LIPA: variants seen among roughly 807,000 people sequenced by gnomAD.
The protein encoded by LIPA is lysosomal acid lipase/cholesteryl ester hydrolase.
LIPA carries 26 observed loss-of-function variants against 40.6 expected under a neutral mutation model. The observed-to-expected ratio is 0.64, with a 90% CI of 0.47 to 0.89. LIPA has a LOEUF of 0.89. LIPA is among the 40% of genes least tolerant of loss of function. The probability of loss-of-function intolerance (pLI) is 0.00; values close to 1 mark genes in which losing one functional copy is unlikely to be tolerated. For synonymous variants in LIPA, 188 were observed against 168.4 expected (o/e 1.12, Z -0.90); for missense variants, 455 against 479.6 (o/e 0.95, Z 0.48).
intron 1 of LIPA, chr10:89,307,157 A>T (rs1843487295): frequency 1.2e-6 from 2 of 1,613,980 alleles, no homozygotes; most frequent in African/African-American, 2.7e-5. Context: ...GGGTGTAAAA[A>T]TAAACCAGAA....
intron 2 of LIPA, among the ~76,000 whole-genome samples, chr10:89,359,297 T>C (rs1040223290): frequency 2.6e-5 from 4 of 152,344 alleles, no homozygotes; most frequent in African/African-American, 9.6e-5. Context: ...AACTATTATG[T>C]CTCAATAAAA....
intron 3 of LIPA, among the ~76,000 whole-genome samples, chr10:89,243,828 A>C (rs539752124): frequency 6.6e-6 from 1 of 152,382 alleles, no homozygotes; most frequent in South Asian, 2.1e-4. Flanking sequence ...AGCTGGATAT[A>C]GGAGGAGAGC....
At chr10:89,251,059 C>G (rs1320957339) in intron 1 of LIPA, among the ~76,000 whole-genome samples, 1 of 152,098 alleles carries the variant, frequency 6.6e-6, no homozygotes, top group African/African-American at 2.4e-5. Flanking sequence ...AAGAAAAGGC[C>G]CCAACGCAGC....
chr10:89,253,296 C>G (rs139782990), upstream of LIPA, among the ~76,000 whole-genome samples: 649 of 152,308 alleles, frequency 4.3e-3, 3 homozygotes, highest in African/African-American at 0.015. Context: ...GTTTAACTGA[C>G]TCACAGTTTC....
At chr10:89,259,860 G>C (rs1301468644) in intron 1 of LIPA, among the ~76,000 whole-genome samples, 1 of 152,112 alleles carries the variant, frequency 6.6e-6, no homozygotes, top group Non-Finnish European at 1.5e-5. Context: ...GAAAATTAGT[G>C]GTTTCCTGGA....
intron 5 of LIPA, 91 bp from the exon 6 acceptor site, chr10:89,225,319 G>A (rs1053763848): frequency 3.4e-6 from 4 of 1,183,644 alleles, no homozygotes; most frequent in South Asian, 2.9e-5. Flanking sequence ...ACGCCCTCTC[G>A]CGGAGGCCTG....
chr10:89,288,866 C>T (rs897794980), intron 1 of LIPA, among the ~76,000 whole-genome samples: 1 of 152,232 alleles, frequency 6.6e-6, no homozygotes, highest in African/African-American at 2.4e-5. Flanking sequence ...TCCTGCACCA[C>T]CATGCTGTTA....
rs1841444936 is a variant in LIPA at position 89,408,682 on chromosome 10, C to A, written c.61+4109G>T. On this transcript the variant is annotated intron_variant, in intron 2 of 8. Coordinates refer to the LIPA transcript ENST00000371837. The stretch of plus-strand genomic sequence containing the variant: ...AGTTTTCAGATGATCCTGATAGGTA[C>A]ACAGATGTCCTACAGGGCCTAGGGG... Among the ~76,000 whole-genome samples, 4 of 152,350 alleles carry A rather than the reference C, an allele frequency of 2.6e-5. No homozygotes were observed. In the South Asian group the frequency reaches 8.3e-4, roughly 32 times the overall value.
chr10:89,402,695 A>G (rs1844450490), intron 2 of LIPA: 10 of 1,614,236 alleles, frequency 6.2e-6, no homozygotes, highest in Non-Finnish European at 8.5e-6. Context: ...AGTGTCCAGA[A>G]ATAGACTGTG....
At chr10:89,332,751 C>A in intron 1 of LIPA, 2 of 1,022,264 alleles carry the variant, frequency 2.0e-6, no homozygotes, top group Non-Finnish European at 1.5e-6. Flanking sequence ...ATAAATCTGC[C>A]TTACCAATTC....
chr10:89,336,098 A>T (rs1843734234), intron 1 of LIPA, among the ~76,000 whole-genome samples: 1 of 147,020 alleles, frequency 6.8e-6, no homozygotes, highest in East Asian at 2.2e-4. Context: ...CAATATAGTG[A>T]GACCCTGTCT....
At chr10:89,293,304 C>G (rs1843387016) in intron 1 of LIPA, among the ~76,000 whole-genome samples, 1 of 152,186 alleles carries the variant, frequency 6.6e-6, no homozygotes, top group Non-Finnish European at 1.5e-5. Context: ...AGTTAAACCT[C>G]TTTCCCAGTC....
At chr10:89,337,543 G>A (rs1324478400) in intron 1 of LIPA, among the ~76,000 whole-genome samples, 2 of 152,194 alleles carry the variant, frequency 1.3e-5, no homozygotes, top group East Asian at 1.9e-4. Flanking sequence ...AGGACTACAG[G>A]CATGTACTAC....
intron 1 of LIPA, among the ~76,000 whole-genome samples, chr10:89,299,389 T>C (rs1035990773): frequency 6.6e-6 from 1 of 152,188 alleles, no homozygotes; most frequent in African/African-American, 2.4e-5. Context: ...GAATTATCAG[T>C]ATCTCCAAAG....
At chr10:89,222,664 A>G (rs574666967) in intron 7 of LIPA, 82 bp from the exon 8 acceptor site, 2 of 927,502 alleles carry the variant, frequency 2.2e-6, no homozygotes, top group African/African-American at 1.6e-5. Flanking sequence ...TTGCCCTTCA[A>G]AGCACTAAAA....
At position 89,299,530 on chromosome 10, in the gene LIPA, A is replaced by G. The variant is rs574350744; in HGVS notation, c.-2+43081T>C. ...AATCCCCAATCAGATACAGTGAAAA[A>G]CGTTCTTCTCCATGGCGCATTATAG... On this transcript the variant is annotated intron_variant, in intron 1 of 5. Coordinates refer to the LIPA transcript ENST00000282673. Among the ~76,000 whole-genome samples, 3 of 152,262 alleles carry G rather than the reference A, an allele frequency of 2.0e-5. No individual in the cohort carries two copies. In the East Asian group the frequency reaches 5.8e-4, roughly 29 times the overall value.
In LIPA at chr10:89,320,881, T is replaced by C. The variant is rs893415193; in HGVS notation, c.-2+21730A>G. On this transcript the variant is annotated intron_variant, in intron 1 of 5. Coordinates refer to the LIPA transcript ENST00000282673. Reference sequence around the variant, plus strand: ...GTACCAAAACAGAGATATAGACCAATGGAACAGAACAGAGCCCTCAGAAAT... The same window carrying C: ...GTACCAAAACAGAGATATAGACCAACGGAACAGAACAGAGCCCTCAGAAAT... Among the ~76,000 whole-genome samples, 49 of 151,912 alleles carry C rather than the reference T, an allele frequency of 3.2e-4. 1 individual carries two copies. Among genetic ancestry groups the C allele is most frequent in the Admixed American group, 1.3e-4 (2 of 15,272 alleles).
intron 2 of LIPA, among the ~76,000 whole-genome samples, chr10:89,412,244 G>C (rs1017443626): frequency 6.6e-6 from 1 of 152,186 alleles, no homozygotes; most frequent in Non-Finnish European, 1.5e-5. Context: ...TTCTGGGTCA[G>C]GTGGGGACTC....
In LIPA at chr10:89,277,450, A is replaced by G. The variant is rs185600545; in HGVS notation, c.-1-29801T>C. ...CGGTAGGGATCAATAAATGTTAGCTATCTTTAGTTTTACTTGCATTATACG... is the reference window on the plus strand; with the variant it reads ...CGGTAGGGATCAATAAATGTTAGCTGTCTTTAGTTTTACTTGCATTATACG... On this transcript the variant is annotated intron_variant, in intron 1 of 5. Coordinates refer to the LIPA transcript ENST00000282673. Among the ~76,000 whole-genome samples the G allele has an allele frequency of 1.5e-4, 23 of 152,354 alleles. No homozygotes were observed. The East Asian group carries it at 4.4e-3, about 29-fold the overall frequency.
Sources: allele counts gnomAD v4.1 joint callset (sites outside exome capture counted in the v4.1 genomes callset), GRCh38; gene constraint gnomAD v4.1.1; transcripts MANE v1.5; gene names NCBI Gene and HGNC (gene_info 2026-07-23, HGNC 2026-07-21).